Variants in PRDM5 observed in about 807,000 individuals in gnomAD.
The protein encoded by PRDM5 is PR/SET domain 5, also known as PR domain zinc finger protein 5.
Under a neutral mutation model 81.2 loss-of-function variants are expected in PRDM5, and 56 were observed. The observed-to-expected ratio is 0.69, with a 90% CI of 0.56 to 0.86. PRDM5 has a LOEUF of 0.86. PRDM5 is among the 40% of genes least tolerant of loss of function. The probability of loss-of-function intolerance (pLI) is 0.00; values close to 1 mark genes in which losing one functional copy is unlikely to be tolerated. For synonymous variants in PRDM5, 267 were observed against 256.4 expected (o/e 1.04, Z -0.39); for missense variants, 697 against 770.1 (o/e 0.91, Z 1.12).
chr4:120,873,223 C>T (rs1210612242), intron 2 of PRDM5, among the ~76,000 whole-genome samples: 1 of 152,038 alleles, frequency 6.6e-6, no homozygotes, highest in Non-Finnish European at 1.5e-5. Context: ...AGGCTGGTCT[C>T]GAACTCCTAA....
At chr4:120,690,729 G>A (rs1280334977), downstream of PRDM5, among the ~76,000 whole-genome samples, 2 of 151,992 alleles carry the variant, frequency 1.3e-5, no homozygotes, top group Non-Finnish European at 2.9e-5. Context: ...GAGATAAATT[G>A]ATATTTTTTG....
chr4:120,725,197 GT>G (rs1739210953), intron 14 of PRDM5, among the ~76,000 whole-genome samples: 1 of 150,806 alleles, frequency 6.6e-6, no homozygotes, highest in South Asian at 2.1e-4. Flanking sequence ...AATTCCAAAG[GT>G]AACTGCAGAA....
At chr4:120,789,767 A>C (rs1750306902) in intron 10 of PRDM5, among the ~76,000 whole-genome samples, 1 of 152,202 alleles carries the variant, frequency 6.6e-6, no homozygotes, top group South Asian at 2.1e-4. Context: ...AAATAAATTG[A>C]AACTGGAAAG....
At chr4:120,774,900 A>ATG (rs1319152055) in intron 13 of PRDM5, among the ~76,000 whole-genome samples, 8 of 141,604 alleles carry the variant, frequency 5.6e-5, no homozygotes, top group South Asian at 2.2e-4. Flanking sequence ...ATATATATAT[A>ATG]TATATATGTA....
intron 2 of PRDM5, among the ~76,000 whole-genome samples, chr4:120,878,552 G>C (rs1310791938): frequency 6.6e-6 from 1 of 152,150 alleles, no homozygotes; most frequent in Non-Finnish European, 1.5e-5. Context: ...ACCCATGAAA[G>C]AAATATTGGT....
intron 3 of PRDM5, among the ~76,000 whole-genome samples, chr4:120,825,283 G>A (rs1561396174): frequency 6.6e-6 from 1 of 152,154 alleles, no homozygotes; most frequent in Non-Finnish European, 1.5e-5. Flanking sequence ...TTCATGAGTG[G>A]TAGTTACTAT....
At chr4:120,824,393 C>T (rs1276619088) in intron 3 of PRDM5, among the ~76,000 whole-genome samples, 1 of 152,142 alleles carries the variant, frequency 6.6e-6, no homozygotes, top group Non-Finnish European at 1.5e-5. Context: ...TAAGATGAGC[C>T]ACATTCCTGT....
At position 120,853,629 on chromosome 4, in the gene PRDM5, A is replaced by G. The variant is rs1443356878; in HGVS notation, c.178-89T>C. On this transcript the variant is annotated intron_variant, in intron 2 of 15. Coordinates refer to ENST00000264808, the MANE Select transcript of PRDM5 (RefSeq NM_018699.4). ...AGGTTAGGACATGACGTTTTTTCAT[A>G]AGTATATACCTTTTTTATTGATGGG... The G allele has an allele frequency of 4.6e-6, 7 of 1,529,080 alleles. No homozygotes were observed. In the African/African-American group the frequency reaches 8.2e-5, roughly 18 times the overall value. The allele number at this position is 1,529,080 out of a possible 1,614,324, so 94.7% of individuals were successfully genotyped here. A position where few individuals can be genotyped will look rare whatever the true frequency, so the allele number is the denominator to read the frequency against.
intron 2 of PRDM5, among the ~76,000 whole-genome samples, chr4:120,884,586 A>G (rs1763201264): frequency 6.6e-6 from 1 of 152,176 alleles, no homozygotes; most frequent in Admixed American, 6.5e-5. Flanking sequence ...GATACTTTTT[A>G]TCTTTCTAAG....
Position 120,816,907 on chromosome 4 carries a change from G to C in PRDM5, c.668C>G (p.Ala223Gly), listed in dbSNP as rs781215728. 1 of 1,612,616 alleles carries C rather than the reference G, an allele frequency of 6.2e-7. No individual in the cohort carries two copies. Among genetic ancestry groups the C allele is most frequent in the South Asian group, 1.1e-5 (1 of 91,054 alleles). Residue 223 changes from alanine (A) to glycine (G), a missense_variant, in exon 6 of 16, where the codon GCG becomes GGG. Ala to Gly is a moderately conservative substitution (Grantham distance 60, BLOSUM62 0). Coordinates refer to ENST00000264808, the MANE Select transcript of PRDM5 (RefSeq NM_018699.4). ...ALQRHVLQCT[A>G]KSSLKESSRS... is the part of the protein sequence containing the mutation. ...CGAAGACTCCTTTAGACTGCTTTTC[G>C]CTGTGCACTGAAGAACACTAAAGGG...
At chr4:120,719,102 C>T (rs973065050) in intron 14 of PRDM5, among the ~76,000 whole-genome samples, 1 of 152,182 alleles carries the variant, frequency 6.6e-6, no homozygotes, top group African/African-American at 2.4e-5. Flanking sequence ...TTCTGGATCT[C>T]AGCAAAAGGG....
intron 14 of PRDM5, among the ~76,000 whole-genome samples, chr4:120,750,925 A>G (rs1743914229): frequency 6.6e-6 from 1 of 152,234 alleles, no homozygotes; most frequent in African/African-American, 2.4e-5. Flanking sequence ...GGCCACACAG[A>G]TGAAAAAATG....
At chr4:120,843,833 A>G (rs536109981) in intron 3 of PRDM5, among the ~76,000 whole-genome samples, 1 of 152,180 alleles carries the variant, frequency 6.6e-6, no homozygotes, top group Non-Finnish European at 1.5e-5. Flanking sequence ...CCAAGCCACT[A>G]TATCTAATAA....
At chr4:120,853,918 T>C (rs1759575182) in intron 2 of PRDM5, among the ~76,000 whole-genome samples, 1 of 152,188 alleles carries the variant, frequency 6.6e-6, no homozygotes, top group South Asian at 2.1e-4. Flanking sequence ...ATACTGCTTA[T>C]TTCCCAGTTG....
At chr4:120,870,333 C>T (rs1229555649) in intron 2 of PRDM5, among the ~76,000 whole-genome samples, 1 of 152,224 alleles carries the variant, frequency 6.6e-6, no homozygotes, top group Non-Finnish European at 1.5e-5. Flanking sequence ...TTAAGCACTA[C>T]ACTAGGCACT....
chr4:120,729,755 T>C (rs1739983322), intron 14 of PRDM5, among the ~76,000 whole-genome samples: 2 of 152,224 alleles, frequency 1.3e-5, no homozygotes, highest in South Asian at 4.1e-4. Context: ...TTTCAAAGTT[T>C]TAAAAATATT....
chr4:120,688,715 T>C (rs969251220), downstream of PRDM5, among the ~76,000 whole-genome samples: 20 of 152,336 alleles, frequency 1.3e-4, no homozygotes, highest in African/African-American at 4.8e-4. Flanking sequence ...ATACCATTTA[T>C]TGAAGAGACT....
intron 3 of PRDM5, among the ~76,000 whole-genome samples, chr4:120,849,468 C>T (rs1007327034): frequency 6.6e-6 from 1 of 152,140 alleles, no homozygotes; most frequent in African/African-American, 2.4e-5. Flanking sequence ...AGTGCCTTCT[C>T]ACCTCATTTA....
intron 14 of PRDM5, among the ~76,000 whole-genome samples, chr4:120,718,019 G>A (rs749662619): frequency 2.0e-5 from 3 of 152,170 alleles, no homozygotes; most frequent in Non-Finnish European, 4.4e-5. Flanking sequence ...TAGTGAGCAT[G>A]GCGAGGACTG....
Sources: allele counts gnomAD v4.1 joint callset (sites outside exome capture counted in the v4.1 genomes callset), GRCh38; gene constraint gnomAD v4.1.1; transcripts MANE v1.5; gene names NCBI Gene and HGNC (gene_info 2026-07-23, HGNC 2026-07-21).